Variants in RNMT observed in about 807,000 individuals in gnomAD.
RNMT encodes RNA guanine-7 methyltransferase.
In RNMT, 27 loss-of-function variants were observed where a neutral mutation model predicts 56.0. The ratio of observed to expected loss-of-function variants is 0.48; its 90% CI spans 0.36 to 0.67. RNMT has a LOEUF of 0.67. Ranked by LOEUF, RNMT falls within the 30% of genes least tolerant of loss-of-function variation. The probability of loss-of-function intolerance (pLI) is 0.00; values close to 1 mark genes in which losing one functional copy is unlikely to be tolerated. For missense variants in RNMT, 519 were observed against 552.1 expected (o/e 0.94, Z 0.60); for synonymous variants, 184 against 176.2 (o/e 1.04, Z -0.35).
rs149395823 is a variant in RNMT, at chr18:13,748,642, CAGAG to C, written c.1257+2309_1257+2312del. Among the ~76,000 whole-genome samples, 518 of 152,314 alleles carry C rather than the reference CAGAG, an allele frequency of 3.4e-3. 26 individuals carry two copies. The East Asian group carries it at 0.086, about 25-fold the overall frequency. The stretch of plus-strand genomic sequence containing the variant: ...TTTCTGCTTTCCTGGAGCGTTGGAA[CAGAG>C]AGAAGAAAGAATGAAAAGATGTAGG... On this transcript the variant is annotated intron_variant, in intron 9 of 11. Transcript: ENST00000383314.
At position 13,762,003 on chromosome 18, in the gene RNMT, A is replaced by G. The variant is rs550400792; in HGVS notation, c.*2024A>G. ...GGAGCTAGTAGGACTCTTCCTTGAC[A>G]CACCTTGTCGTCTAAATGTTCGGTA... On this transcript the variant is annotated 3_prime_UTR_variant, in exon 12 of 12. Transcript: ENST00000383314. 2.6e-6 allele frequency: 4 copies of G among 1,535,864 alleles called. No individual in the cohort carries two copies. The Admixed American group carries it at 5.9e-5, about 23-fold the overall frequency.
intron 11 of RNMT, among the ~76,000 whole-genome samples, chr18:13,755,173 T>A (rs1050989308): frequency 6.6e-6 from 1 of 152,204 alleles, no homozygotes; most frequent in East Asian, 1.9e-4. Context: ...CTCTACCTTC[T>A]AGAAGTCTAC....
At chr18:13,756,079 TA>T (rs2044538250) in intron 11 of RNMT, among the ~76,000 whole-genome samples, 1 of 152,172 alleles carries the variant, frequency 6.6e-6, no homozygotes, top group South Asian at 2.1e-4. Flanking sequence ...ATCACGAGTC[TA>T]AAAGGCCCAG....
At position 13,731,278 on chromosome 18, in the gene RNMT, G is replaced by A. The variant is rs999252628; in HGVS notation, c.-42-198G>A. Among the ~76,000 whole-genome samples the A allele has an allele frequency of 7.9e-5, 12 of 152,074 alleles. No individual in the cohort carries two copies. The South Asian group carries it at 1.5e-3, about 18-fold the overall frequency. ...AAAAAATTAGCCAGGCGTGGTGGCAGGTGCCTGTAATCCCAGCTACTGGGG... is the reference window on the plus strand; with the variant it reads ...AAAAAATTAGCCAGGCGTGGTGGCAAGTGCCTGTAATCCCAGCTACTGGGG... On this transcript the variant is annotated intron_variant, in intron 2 of 11. Transcript: ENST00000383314.
At chr18:13,728,439 G>A (rs113895363) in intron 1 of RNMT, among the ~76,000 whole-genome samples, 8,972 of 150,388 alleles carry the variant, frequency 0.06, 907 homozygotes, top group African/African-American at 0.21. Context: ...GGGTTCAAGC[G>A]ATTCTCATGC....
intron 4 of RNMT, among the ~76,000 whole-genome samples, chr18:13,735,505 T>TTG (rs1223101177): frequency 6.6e-6 from 1 of 151,314 alleles, no homozygotes; most frequent in Admixed American, 6.6e-5. Flanking sequence ...GTTCACTTTT[T>TTG]TTTTTTTTTT....
chr18:13,762,750 C>G lies in RNMT; in HGVS notation c.*2771C>G. 2 of 267,740 alleles carry G rather than the reference C, an allele frequency of 7.5e-6. No individual in the cohort carries two copies. Among genetic ancestry groups the G allele is most frequent in the South Asian group, 8.9e-5 (2 of 22,568 alleles). The allele number at this position is 267,740 out of a possible 1,614,324, so 16.6% of individuals were successfully genotyped here. A position where few individuals can be genotyped will look rare whatever the true frequency, so the allele number is the denominator to read the frequency against. On this transcript the variant is annotated 3_prime_UTR_variant, in exon 12 of 12. Coordinates refer to ENST00000383314, the MANE Select transcript of RNMT (RefSeq NM_003799.3). ...CAAAGCTTGCTCAGCCATGAGATGG[C>G]CAGGTATCCAGTTTTGTTAACTCTC...
rs765828866 is a variant in RNMT at position 13,731,646 on chromosome 18, T to C, written c.129T>C (p.Leu43=). ...ACACAACAGCTTCTGGGACTGGGCT[T>C]TCTGAAAAGACTTCTGTCTGTAGGC... is the stretch of plus-strand genomic sequence containing the variant. ...NENTTASGTG[L]SEKTSVCRQV... Residue 43 remains leucine (L), a synonymous_variant, in exon 3 of 12, where the codon CTT becomes CTC. Coordinates refer to ENST00000383314, the MANE Select transcript of RNMT (RefSeq NM_003799.3). 1 of 1,614,024 alleles carries C rather than the reference T, an allele frequency of 6.2e-7. No individual in the cohort carries two copies. Among genetic ancestry groups the C allele is most frequent in the African/African-American group, 1.3e-5 (1 of 74,930 alleles).
rs1016157923 is a variant in RNMT at position 13,761,880 on chromosome 18, T to G, written c.*1901T>G. 1.1e-4 allele frequency: 121 copies of G among 1,062,070 alleles called. No homozygotes were observed. Among genetic ancestry groups the G allele is most frequent in the Non-Finnish European group, 5.2e-5 (45 of 872,236 alleles). The allele number at this position is 1,062,070 out of a possible 1,614,324, so 65.8% of individuals were successfully genotyped here. A position where few individuals can be genotyped will look rare whatever the true frequency, so the allele number is the denominator to read the frequency against. The stretch of plus-strand genomic sequence containing the variant: ...CCGGCCCCAAGCCCCTGTGTCTCCT[T>G]GTTACAATTAAGTTTCTGGATATTG... On this transcript the variant is annotated 3_prime_UTR_variant, in exon 12 of 12. Transcript: ENST00000383314.
At position 13,731,847 on chromosome 18, in the gene RNMT, GGATGTTCCAA is replaced by G; in HGVS notation, c.331_340del (p.Asp111LysfsTer16). 3 of 1,613,116 alleles carry G rather than the reference GGATGTTCCAA, an allele frequency of 1.9e-6. No homozygotes were observed. The highest frequency in any genetic ancestry group is 8.5e-7 in the Non-Finnish European group (1 of 1,179,788). The stretch of plus-strand genomic sequence containing the variant: ...CAAAGAAAAGAAAAAGAGAAACTGA[GGATGTTCCAA>G]AAGATAAATCTTCTACTGGAGATGG... On this transcript the variant is annotated frameshift_variant, in exon 3 of 12. Coordinates refer to ENST00000383314, the MANE Select transcript of RNMT (RefSeq NM_003799.3). LOFTEE classifies it high-confidence loss of function.
intron 9 of RNMT, among the ~76,000 whole-genome samples, chr18:13,748,765 G>C (rs1021539571): frequency 2.0e-5 from 3 of 152,142 alleles, no homozygotes; most frequent in African/African-American, 7.2e-5. Flanking sequence ...TTTTAGAGGA[G>C]ACACTAAGAT....
chr18:13,743,658 T>C (rs2044296526), intron 8 of RNMT, among the ~76,000 whole-genome samples: 1 of 152,060 alleles, frequency 6.6e-6, no homozygotes, highest in Non-Finnish European at 1.5e-5. Context: ...ATGTAGGCCA[T>C]GTCATGATTG....
intron 5 of RNMT, 70 bp downstream of exon 5, chr18:13,737,205 C>G (rs2044174960): frequency 2.9e-6 from 4 of 1,383,472 alleles, no homozygotes; most frequent in Admixed American, 2.0e-5. Flanking sequence ...AGGATTGTCT[C>G]AAATTGCAAG....
chr18:13,743,214 T>G (rs1373746439), intron 8 of RNMT: 13 of 150,616 alleles, frequency 8.6e-5, no homozygotes, highest in Non-Finnish European at 1.0e-4. Context: ...TCCCAGCTAC[T>G]CGGGAGGCTG....
At position 13,760,732 on chromosome 18, in the gene RNMT, T is replaced by G. The variant is rs556742126; in HGVS notation, c.*753T>G. The G allele has an allele frequency of 2.0e-6, 2 of 985,418 alleles. No homozygotes were observed. The highest frequency in any genetic ancestry group is 3.5e-5 in the African/African-American group (2 of 57,384). 61.0% of individuals were successfully genotyped at this position (985,418 alleles called of 1,614,324 possible). ...ACAAATGGTGCCATAGTTATTTTTC[T>G]CAAAATTTAGTGAAAATCCCTCCCA... On this transcript the variant is annotated 3_prime_UTR_variant, in exon 12 of 12. Transcript: ENST00000383314.
Position 13,740,369 on chromosome 18 carries a change from T to G in RNMT, c.792+90T>G, listed in dbSNP as rs918851373. On this transcript the variant is annotated intron_variant, in intron 6 of 11. Transcript: ENST00000383314. ...AAAAATCAACTCAATTTTTACTTTTTTAAAAAAATTTACTCTTATTTTTTG... is the reference window on the plus strand; with the variant it reads ...AAAAATCAACTCAATTTTTACTTTTGTAAAAAAATTTACTCTTATTTTTTG... 5.4e-6 allele frequency: 4 copies of G among 741,300 alleles called. No homozygotes were observed. In the African/African-American group the frequency reaches 7.2e-5, roughly 13 times the overall value. The allele number at this position is 741,300 out of a possible 1,614,324, so 45.9% of individuals were successfully genotyped here. A position where few individuals can be genotyped will look rare whatever the true frequency, so the allele number is the denominator to read the frequency against.
chr18:13,755,352 G>T (rs969215447), intron 11 of RNMT, among the ~76,000 whole-genome samples: 2 of 152,204 alleles, frequency 1.3e-5, no homozygotes, highest in East Asian at 3.9e-4. Context: ...GTGCAGGTGC[G>T]TGTAACGTTT....
intron 5 of RNMT, among the ~76,000 whole-genome samples, 196 bp downstream of exon 5, chr18:13,737,331 C>T (rs1312294278): frequency 1.3e-5 from 2 of 151,918 alleles, no homozygotes; most frequent in Non-Finnish European, 2.9e-5. Flanking sequence ...CACTTGAGGT[C>T]AGGAGTTTGA....
In RNMT at chr18:13,742,477, A is replaced by G. The variant is rs1568504952; in HGVS notation, c.975-11A>G. ...AATCTTTTTATTTTGGTTGGGGGATAACCTTGATAGAAGACGCCTTGAAGC... is the reference window on the plus strand; with the variant it reads ...AATCTTTTTATTTTGGTTGGGGGATGACCTTGATAGAAGACGCCTTGAAGC... On this transcript the variant is annotated splice_polypyrimidine_tract_variant and intron_variant, in intron 7 of 11. Transcript: ENST00000383314. 1.9e-6 allele frequency: 3 copies of G among 1,611,054 alleles called. No individual in the cohort carries two copies. The highest frequency in any genetic ancestry group is 3.3e-4 in the Middle Eastern group (2 of 6,068).
Sources: allele counts gnomAD v4.1 joint callset (sites outside exome capture counted in the v4.1 genomes callset), GRCh38; gene constraint gnomAD v4.1.1; transcripts MANE v1.5; gene names NCBI Gene and HGNC (gene_info 2026-07-23, HGNC 2026-07-21).